NTM: variants seen among roughly 807,000 people sequenced by gnomAD.
NTM encodes neurotrimin, also known as IgLON family member 2.
A neutral mutation model predicts 42.1 loss-of-function variants in NTM; 13 were observed. The ratio of observed to expected loss-of-function variants is 0.31; its 90% CI spans 0.20 to 0.49. The LOEUF is 0.49. Among genes scored for constraint, NTM ranks in the 20% least tolerant of loss-of-function variants. The pLI, the probability that NTM is intolerant of heterozygous loss-of-function variation, is 0.99. For missense variants in NTM, 373 were observed against 452.8 expected (o/e 0.82, Z 1.60); for synonymous variants, 187 against 179.2 (o/e 1.04, Z -0.35).
Position 131,695,450 on chromosome 11 carries a change from C to T in NTM, c.83-216114C>T, listed in dbSNP as rs115611148. Among the ~76,000 whole-genome samples, 396 of 152,228 alleles carry T rather than the reference C, an allele frequency of 2.6e-3. 4 individuals carry two copies. Among genetic ancestry groups the T allele is most frequent in the African/African-American group, 8.7e-3 (360 of 41,540 alleles). On this transcript the variant is annotated intron_variant, in intron 1 of 8. Transcript: ENST00000683400. ...GTCTCATTGAATTTTTAGAGTGATC[C>T]GATGAGGCACATATTCAGGTTTTAT...
chr11:132,215,425 A>T (rs2083641687), intron 4 of NTM, among the ~76,000 whole-genome samples: 1 of 151,832 alleles, frequency 6.6e-6, no homozygotes. Flanking sequence ...AACCTCTTTA[A>T]ATTGTGCATT....
chr11:131,733,860 C>T (rs1301982589), intron 1 of NTM, among the ~76,000 whole-genome samples: 1 of 152,086 alleles, frequency 6.6e-6, no homozygotes, highest in African/African-American at 2.4e-5. Flanking sequence ...TTCATAGCTG[C>T]ATAATAATCT....
At chr11:132,158,068 C>G (rs1430472588) in intron 3 of NTM, among the ~76,000 whole-genome samples, 1 of 152,226 alleles carries the variant, frequency 6.6e-6, no homozygotes, top group Non-Finnish European at 1.5e-5. Context: ...TCAGCGAAAG[C>G]ATTTCTGTGC....
intron 1 of NTM, among the ~76,000 whole-genome samples, chr11:131,531,259 C>T (rs1565606837): frequency 6.6e-6 from 1 of 152,132 alleles, no homozygotes; most frequent in Non-Finnish European, 1.5e-5. Flanking sequence ...CCTCAGCCTC[C>T]TGAGAAATAG....
At chr11:132,004,496 G>T (rs554932402) in intron 2 of NTM, among the ~76,000 whole-genome samples, 1 of 152,032 alleles carries the variant, frequency 6.6e-6, no homozygotes, top group East Asian at 1.9e-4. Context: ...ATATCTTTGT[G>T]CTACTTTATT....
chr11:131,478,989 G>A (rs979603083), intron 1 of NTM, among the ~76,000 whole-genome samples: 2 of 152,180 alleles, frequency 1.3e-5, no homozygotes, highest in East Asian at 1.9e-4. Context: ...ACACTCACTC[G>A]CCCAGGGCAG....
At chr11:131,539,403 C>A (rs1285343525) in intron 1 of NTM, 1 of 152,120 alleles carries the variant, frequency 6.6e-6, no homozygotes, top group African/African-American at 2.4e-5. Flanking sequence ...TGGGGATGAA[C>A]GCTTGTGCAC....
chr11:132,043,958 A>ATGTGTGTGTGTGTGTGTGTGTGTGTGTG (rs71067353), intron 2 of NTM, among the ~76,000 whole-genome samples: 1 of 146,268 alleles, frequency 6.8e-6, no homozygotes, highest in Non-Finnish European at 1.5e-5. Context: ...GACACCAACT[A>ATGTGTGTGTGTGTGTGTGTGTGTGTGTG]TGTGTGTGTG....
At chr11:131,867,771 G>T (rs749370620) in intron 1 of NTM, among the ~76,000 whole-genome samples, 3 of 152,102 alleles carry the variant, frequency 2.0e-5, no homozygotes, top group Non-Finnish European at 4.4e-5. Flanking sequence ...TGTATGATGC[G>T]GGCATGAGAT....
intron 1 of NTM, among the ~76,000 whole-genome samples, chr11:131,793,734 G>A (rs1165901553): frequency 2.0e-5 from 3 of 152,080 alleles, no homozygotes; most frequent in African/African-American, 2.4e-5. Context: ...AATGGGGATC[G>A]GCATGCTAGT....
chr11:131,815,368 C>T (rs930032786), intron 1 of NTM, among the ~76,000 whole-genome samples: 35 of 152,148 alleles, frequency 2.3e-4, no homozygotes, highest in African/African-American at 8.0e-4. Context: ...TCCATCCCAG[C>T]CCTCGCCCAC....
chr11:132,259,027 CTT>C (rs1173233815), intron 4 of NTM, among the ~76,000 whole-genome samples: 2 of 152,114 alleles, frequency 1.3e-5, no homozygotes, highest in African/African-American at 4.8e-5. Flanking sequence ...TTACTCATCT[CTT>C]TGTGATTTTA....
intron 1 of NTM, among the ~76,000 whole-genome samples, chr11:131,556,455 G>T (rs1030383920): frequency 6.6e-6 from 1 of 152,046 alleles, no homozygotes; most frequent in African/African-American, 2.4e-5. Flanking sequence ...TTTAAAGCCT[G>T]GTTCTGCTAC....
intron 2 of NTM, among the ~76,000 whole-genome samples, chr11:132,049,405 CCA>C (rs2135898434): frequency 6.6e-6 from 1 of 152,292 alleles, no homozygotes; most frequent in African/African-American, 2.4e-5. Flanking sequence ...ACCCTTTCAT[CCA>C]TGCCAGTCTC....
Position 131,375,319 on chromosome 11 carries a change from C to T in NTM, c.82+4431C>T, listed in dbSNP as rs1381790773. On this transcript the variant is annotated intron_variant, in intron 1 of 8. Transcript: ENST00000683400. ...ACTCCATGCTGAGATTATATTTATGCAGTTTACTTCCTTTCTGCTCTATTG... is the reference window on the plus strand; with the variant it reads ...ACTCCATGCTGAGATTATATTTATGTAGTTTACTTCCTTTCTGCTCTATTG... Among the ~76,000 whole-genome samples the T allele has an allele frequency of 3.3e-5, 5 of 152,210 alleles. No individual in the cohort carries two copies. In the South Asian group the frequency reaches 1.0e-3, roughly 32 times the overall value.
At chr11:132,191,915 G>A (rs986746044) in intron 3 of NTM, among the ~76,000 whole-genome samples, 2 of 152,124 alleles carry the variant, frequency 1.3e-5, no homozygotes, top group Non-Finnish European at 2.9e-5. Flanking sequence ...GCTGAGGAAA[G>A]AATATCAGAG....
chr11:132,196,420 A>G (rs966035619), intron 3 of NTM, among the ~76,000 whole-genome samples: 1 of 152,150 alleles, frequency 6.6e-6, no homozygotes, highest in African/African-American at 2.4e-5. Context: ...CTACCTTTCA[A>G]TGCAGCACTC....
At chr11:131,655,014 G>GTA in intron 1 of NTM, among the ~76,000 whole-genome samples, 1 of 152,196 alleles carries the variant, frequency 6.6e-6, no homozygotes, top group Admixed American at 6.5e-5. Flanking sequence ...CCTGGGGCTC[G>GTA]CACCTGTGTT....
At chr11:132,229,299 C>G (rs956540491) in intron 4 of NTM, among the ~76,000 whole-genome samples, 1 of 152,170 alleles carries the variant, frequency 6.6e-6, no homozygotes, top group Non-Finnish European at 1.5e-5. Flanking sequence ...GCACTTAGAC[C>G]GCTTGCTCAC....
Sources: allele counts gnomAD v4.1 joint callset (sites outside exome capture counted in the v4.1 genomes callset), GRCh38; gene constraint gnomAD v4.1.1; transcripts MANE v1.5; gene names NCBI Gene and HGNC (gene_info 2026-07-23, HGNC 2026-07-21).